The following CUX1 variants were observed in gnomAD, a reference collection of about 807,000 sequenced individuals.
The protein encoded by CUX1 is protein CASP.
Under a neutral mutation model 158.8 loss-of-function variants are expected in CUX1, and 31 were observed. The ratio of observed to expected loss-of-function variants is 0.20; its 90% CI spans 0.15 to 0.26. CUX1 has a LOEUF of 0.26. CUX1 is among the 10% of genes least tolerant of loss of function. The pLI, the probability that CUX1 is intolerant of heterozygous loss-of-function variation, is 1.00. For synonymous variants in CUX1, 879 were observed against 862.1 expected (o/e 1.02, Z -0.34); for missense variants, 1,589 against 2,014.6 (o/e 0.79, Z 4.04).
chr7:101,854,276 G>A (rs1272134245), intron 1 of CUX1, among the ~76,000 whole-genome samples: 5 of 152,154 alleles, frequency 3.3e-5, no homozygotes, highest in Non-Finnish European at 5.9e-5. Context: ...TTTTGTGAGC[G>A]CCTTCTAGCC....
At position 102,248,428 on chromosome 7, in the gene CUX1, G is replaced by C; in HGVS notation, c.3904G>C (p.Glu1302Gln). ...FHNYRSRIRR[E>Q]LFIEEIQAGS... ...GTCTTGTAGGTCTCGGATCCGCAGAGAACTGTTCATTGAGGAAATTCAGGC... is the reference window on the plus strand; with the variant it reads ...GTCTTGTAGGTCTCGGATCCGCAGACAACTGTTCATTGAGGAAATTCAGGC... The change falls in exon 24 of 24, where the codon GAA becomes CAA. Residue 1302 changes from glutamate (E) to glutamine (Q), a missense_variant. This residue lies in a region of CUX1 where 344 missense variants were observed against 323.7 expected (regional missense o/e 1.06). Transcript: ENST00000292535. The surrounding 1 kb of genome is among the most constrained non-coding windows in gnomAD (Gnocchi z 5.8). 1 of 1,597,540 alleles carries C rather than the reference G, an allele frequency of 6.3e-7. No homozygotes were observed. The highest frequency in any genetic ancestry group is 8.5e-7 in the Non-Finnish European group (1 of 1,175,970).
rs1261646986 is a variant in CUX1, at chr7:101,856,334, G to A, written c.30+38665G>A. ...AACCAGAATGTTATTCCACGGTTGCGGTTTGTTTATTTCATCAGAGTTGCG... is the reference window on the plus strand; with the variant it reads ...AACCAGAATGTTATTCCACGGTTGCAGTTTGTTTATTTCATCAGAGTTGCG... On this transcript the variant is annotated intron_variant, in intron 1 of 23. Coordinates refer to ENST00000292535, the MANE Select transcript of CUX1 (RefSeq NM_181552.4). 2.0e-5 allele frequency among the ~76,000 whole-genome samples: 3 copies of A among 152,176 alleles called. No homozygotes were observed. In the East Asian group the frequency reaches 5.8e-4, roughly 29 times the overall value.
intron 2 of CUX1, among the ~76,000 whole-genome samples, chr7:102,002,315 A>C (rs978519855): frequency 1.3e-5 from 2 of 152,128 alleles, no homozygotes; most frequent in African/African-American, 4.8e-5. Context: ...GAAAAAATAA[A>C]TATATATAGT....
At chr7:102,192,261 T>C (rs1176180869) in intron 12 of CUX1, among the ~76,000 whole-genome samples, 6 of 152,194 alleles carry the variant, frequency 3.9e-5, no homozygotes, top group African/African-American at 1.4e-4. Context: ...TTGTTCATCA[T>C]GACACTGAGA....
intron 1 of CUX1, among the ~76,000 whole-genome samples, chr7:101,861,860 A>C (rs1011130642): frequency 7.3e-5 from 11 of 149,848 alleles, no homozygotes; most frequent in African/African-American, 2.7e-4. Context: ...CACCTCCCGG[A>C]GTCTCCCTCT....
At chr7:102,073,813 A>G (rs111656493) in intron 4 of CUX1, among the ~76,000 whole-genome samples, 14 of 152,012 alleles carry the variant, frequency 9.2e-5, no homozygotes, top group Non-Finnish European at 1.8e-4. Flanking sequence ...ATTCTTCACA[A>G]TTTTTATTTC....
At chr7:102,073,165 CTTTTTTT>C (rs869202667) in intron 4 of CUX1, among the ~76,000 whole-genome samples, 3,208 of 66,904 alleles carry the variant, frequency 0.048, 253 homozygotes, top group African/African-American at 0.19. Flanking sequence ...TCTTTTCTTT[CTTTTTTT>C]TTTTTTTTTT....
intron 10 of CUX1, 49 bp downstream of exon 10, chr7:102,170,599 C>A: frequency 3.1e-6 from 4 of 1,309,704 alleles, no homozygotes; most frequent in Non-Finnish European, 4.3e-6. Flanking sequence ...GGCCTCCGCA[C>A]CTTCGAGTTA....
intron 1 of CUX1, among the ~76,000 whole-genome samples, chr7:101,911,959 G>GA (rs1672953810): frequency 6.6e-6 from 1 of 152,192 alleles, no homozygotes; most frequent in African/African-American, 2.4e-5. Flanking sequence ...CTCCTTGCCA[G>GA]ACATTTTCTC....
chr7:102,261,045 C>T (rs113520174), downstream of CUX1, among the ~76,000 whole-genome samples: 6 of 152,388 alleles, frequency 3.9e-5, no homozygotes, highest in African/African-American at 1.4e-4. Flanking sequence ...GTTGCCCAGG[C>T]TCCCGGCCAG....
intron 4 of CUX1, among the ~76,000 whole-genome samples, chr7:102,085,964 T>G (rs1298733406): frequency 2.0e-5 from 3 of 152,222 alleles, no homozygotes; most frequent in Admixed American, 1.3e-4. Flanking sequence ...GCTATTAAGT[T>G]TTTTAAATTT....
chr7:101,904,170 C>T (rs946839812), intron 1 of CUX1, among the ~76,000 whole-genome samples: 9 of 151,398 alleles, frequency 5.9e-5, no homozygotes, highest in Non-Finnish European at 7.4e-5. Context: ...CATGGTGGCA[C>T]GCGCCCGTAA....
chr7:101,899,417 TG>T (rs1351453019), intron 1 of CUX1, among the ~76,000 whole-genome samples: 4 of 152,068 alleles, frequency 2.6e-5, no homozygotes, highest in Non-Finnish European at 5.9e-5. Flanking sequence ...CCAGGTGTGG[TG>T]GTGCACTCTT....
At chr7:102,121,929 G>A (rs541791815) in intron 8 of CUX1, among the ~76,000 whole-genome samples, 10 of 152,082 alleles carry the variant, frequency 6.6e-5, no homozygotes, top group Non-Finnish European at 1.5e-4. Context: ...GCGTTCCTGG[G>A]GGGTTCAGCC....
intron 21 of CUX1, chr7:102,282,009 C>T: frequency 1.1e-6 from 1 of 900,980 alleles, no homozygotes; most frequent in Non-Finnish European, 1.8e-6. Context: ...GGTGGCCTGG[C>T]CCCTGGGCCT....
chr7:101,940,274 C>T (rs1173843275), intron 2 of CUX1, among the ~76,000 whole-genome samples: 3 of 150,294 alleles, frequency 2.0e-5, no homozygotes, highest in Non-Finnish European at 3.0e-5. Context: ...TTTTAATGTT[C>T]GCAAAGCTGG....
chr7:101,997,010 C>T (rs565197179), intron 2 of CUX1, among the ~76,000 whole-genome samples: 1 of 152,252 alleles, frequency 6.6e-6, no homozygotes, highest in African/African-American at 2.4e-5. Context: ...CGTGTGCACT[C>T]CGGCCCAGCC....
intron 3 of CUX1, among the ~76,000 whole-genome samples, chr7:102,038,352 A>G (rs1301451918): frequency 1.3e-5 from 2 of 152,184 alleles, no homozygotes; most frequent in Non-Finnish European, 2.9e-5. Context: ...AAGATATTCA[A>G]AATGCTCGCA....
Position 102,248,021 on chromosome 7 carries a change from C to T in CUX1, c.3888-391C>T, listed in dbSNP as rs1801000363. Among the ~76,000 whole-genome samples, 1 of 152,174 alleles carries T rather than the reference C, an allele frequency of 6.6e-6. No individual in the cohort carries two copies. The highest frequency in any genetic ancestry group is 2.4e-5 in the African/African-American group (1 of 41,436). ...TAGTGGGTGACTGTAATCCCAGGTA[C>T]TCTGGAGGCTGAGGCAGGAGAATCG... On this transcript the variant is annotated intron_variant, in intron 23 of 23. Coordinates refer to ENST00000292535, the MANE Select transcript of CUX1 (RefSeq NM_181552.4). This position sits in a 1 kb window ranked among gnomAD's most constrained non-coding sequence, Gnocchi z 5.8.
Sources: allele counts gnomAD v4.1 joint callset (sites outside exome capture counted in the v4.1 genomes callset), GRCh38; gene constraint gnomAD v4.1.1; regional missense constraint gnomAD v4.1.1; non-coding constraint Gnocchi (gnomAD v3.1); transcripts MANE v1.5; gene names NCBI Gene and HGNC (gene_info 2026-07-23, HGNC 2026-07-21).